The following ARFRP1 variants were observed in gnomAD, a reference collection of about 807,000 sequenced individuals.
ARFRP1 encodes the protein ADP-ribosylation factor-related protein 1.
In ARFRP1, 19 loss-of-function variants were observed where a neutral mutation model predicts 30.3. The observed-to-expected ratio is 0.63, with a 90% CI of 0.44 to 0.92. The LOEUF (loss-of-function observed/expected upper bound fraction) is 0.92, where lower values mean the gene tolerates loss of function less well. Among genes scored for constraint, ARFRP1 ranks in the 40% least tolerant of loss-of-function variants. ARFRP1 has a pLI of 0.00. For missense variants in ARFRP1, 245 were observed against 267.5 expected (o/e 0.92, Z 0.59); for synonymous variants, 133 against 114.2 (o/e 1.16, Z -1.05).
At chr20:63,707,294 C>T in intron 1 of ARFRP1, 197 bp from the exon 2 acceptor site, 1 of 581,918 alleles carries the variant, frequency 1.7e-6, no homozygotes, top group Non-Finnish European at 3.1e-6. Context: ...GTGTCCTGCT[C>T]ACAGCAATGA....
In ARFRP1 at chr20:63,699,874, C is replaced by A. The variant is rs1276626522; in HGVS notation, c.*569G>T. On this transcript the variant is annotated 3_prime_UTR_variant, in exon 8 of 8. Transcript: ENST00000622789. ...CCAGGCGTGGGGTATAGGTCTTCCC[C>A]CGCAGGCCTCAGCCCTGTCCCGAGG... 6.0e-6 allele frequency: 1 copy of A among 167,554 alleles called. No individual in the cohort carries two copies. The highest frequency in any genetic ancestry group is 2.4e-5 in the African/African-American group (1 of 41,690). The allele number at this position is 167,554 out of a possible 1,614,324, so 10.4% of individuals were successfully genotyped here.
intron 4 of ARFRP1, chr20:63,704,615 G>A (rs1310246524): frequency 1.3e-5 from 2 of 152,274 alleles, no homozygotes; most frequent in East Asian, 1.9e-4. Context: ...GGGCTACAGT[G>A]GCCCCCTTAA....
At chr20:63,705,554 T>C in intron 4 of ARFRP1, 1 of 467,372 alleles carries the variant, frequency 2.1e-6, no homozygotes, top group Non-Finnish European at 4.4e-6. Flanking sequence ...TGTGTCAAAA[T>C]AGGAGACTGC....
chr20:63,706,815 C>T (rs1426266107), intron 2 of ARFRP1, 77 bp from the exon 3 acceptor site: 29 of 1,356,930 alleles, frequency 2.1e-5, no homozygotes, highest in Non-Finnish European at 3.0e-5. Context: ...CAGGTCTGTT[C>T]TTTAAAAGAC....
chr20:63,699,177 G>C lies in ARFRP1; in HGVS notation c.*1266C>G, dbSNP rs1032564865. ...GCCTCCCCAGCACGGCCAGGTTCCC[G>C]GGGCTGGAGGTCCCCCCCAGGTCCT... is the stretch of plus-strand genomic sequence containing the variant. On this transcript the variant is annotated 3_prime_UTR_variant, in exon 8 of 8. Transcript: ENST00000622789. The C allele has an allele frequency of 6.6e-6, 1 of 152,238 alleles. No homozygotes were observed. The highest frequency in any genetic ancestry group is 1.5e-5 in the Non-Finnish European group (1 of 68,052). The allele number at this position is 152,238 out of a possible 1,614,324, so 9.4% of individuals were successfully genotyped here. A position where few individuals can be genotyped will look rare whatever the true frequency, so the allele number is the denominator to read the frequency against.
In ARFRP1 at chr20:63,705,586, C is replaced by T. The variant is rs2091413815; in HGVS notation, c.264+771G>A. The T allele has an allele frequency of 1.2e-5, 6 of 513,602 alleles. No homozygotes were observed. The Admixed American group carries it at 1.2e-4, about 10-fold the overall frequency. 31.8% of individuals were successfully genotyped at this position (513,602 alleles called of 1,614,324 possible). The stretch of plus-strand genomic sequence containing the variant: ...CTGCCGCTGTGAGACCCTGAGGAGT[C>T]TTCTGGTGATCATGGAAGAACAAAT... On this transcript the variant is annotated intron_variant, in intron 4 of 7. Transcript: ENST00000622789.
intron 4 of ARFRP1, chr20:63,705,503 G>GCCCA (rs2145582177): frequency 2.3e-6 from 1 of 435,230 alleles, no homozygotes; most frequent in East Asian, 5.7e-5. Context: ...GGGGGTGTGG[G>GCCCA]GAAGGGGCAC....
Position 63,701,885 on chromosome 20 carries a change from C to T in ARFRP1, c.362G>A (p.Ser121Asn). ...SKQAFEKVVT[S>N]EALCGVPVLV... Reference sequence around the variant, plus strand: ...GACGGGGACACCGCACAGCGCCTCGCTGGTCACCACCTTCTCTGGGGAGGG... The same window carrying T: ...GACGGGGACACCGCACAGCGCCTCGTTGGTCACCACCTTCTCTGGGGAGGG... The change falls in exon 6 of 8, where the codon AGC becomes AAC. Residue 121 changes from serine (S) to asparagine (N), a missense_variant. Transcript: ENST00000622789. 6.5e-7 allele frequency: 1 copy of T among 1,550,098 alleles called. No homozygotes were observed. The highest frequency in any genetic ancestry group is 1.2e-5 in the South Asian group (1 of 84,088).
At chr20:63,705,124 T>C (rs765061843) in intron 4 of ARFRP1, 3 of 152,674 alleles carry the variant, frequency 2.0e-5, no homozygotes, top group Non-Finnish European at 2.9e-5. Flanking sequence ...TCATCATCTG[T>C]GTCACTCCCC....
intron 4 of ARFRP1, chr20:63,705,853 CAAACCCAAGCCAGGGT>C: frequency 2.1e-6 from 1 of 466,582 alleles, no homozygotes; most frequent in Non-Finnish European, 4.4e-6. Flanking sequence ...CCCTTAGGCT[CAAACCCAAGCCAGGGT>C]TTGAACATTC....
At chr20:63,702,007 C>CCG (rs2091235180) in intron 5 of ARFRP1, 107 bp from the exon 6 acceptor site, 6 of 1,030,042 alleles carry the variant, frequency 5.8e-6, no homozygotes, top group Admixed American at 2.3e-5. Context: ...TGCCCCCCCC[C>CCG]CCCCCGTCAC....
Position 63,700,705 on chromosome 20 carries a change from G to A in ARFRP1, c.418-3C>T, listed in dbSNP as rs748523089. On this transcript the variant is annotated splice_polypyrimidine_tract_variant and splice_region_variant and intron_variant, in intron 6 of 7. Transcript: ENST00000622789. ...ATGTCAGGGATTGAGAGGCACGTCT[G>A]GGGGAGGTAAGGCCGTGAGGAGCAG... 3 of 1,610,378 alleles carry A rather than the reference G, an allele frequency of 1.9e-6. No homozygotes were observed. Among genetic ancestry groups the A allele is most frequent in the South Asian group, 1.1e-5 (1 of 90,928 alleles).
At chr20:63,706,907 G>A (rs917655082) in intron 2 of ARFRP1, 92 bp downstream of exon 2, 12 of 1,490,542 alleles carry the variant, frequency 8.1e-6, no homozygotes, top group African/African-American at 5.5e-5. Context: ...TTTGGCTTCC[G>A]TCTGGGTAGT....
chr20:63,703,677 A>G (rs940408798), intron 4 of ARFRP1: 2 of 152,292 alleles, frequency 1.3e-5, no homozygotes, highest in Admixed American at 1.3e-4. Flanking sequence ...CCAGTGAGAG[A>G]ATCTCCACGT....
At chr20:63,703,850 G>A (rs2091329017) in intron 4 of ARFRP1, 1 of 152,450 alleles carries the variant, frequency 6.6e-6, no homozygotes, top group African/African-American at 2.4e-5. Flanking sequence ...GCTGAGTGCG[G>A]GCAGGACCCA....
Position 63,700,361 on chromosome 20 carries a change from C to A in ARFRP1, c.*82G>T, listed in dbSNP as rs1488046329. 3 of 1,577,844 alleles carry A rather than the reference C, an allele frequency of 1.9e-6. No individual in the cohort carries two copies. The highest frequency in any genetic ancestry group is 1.1e-5 in the South Asian group (1 of 89,668). On this transcript the variant is annotated 3_prime_UTR_variant, in exon 8 of 8. Coordinates refer to ENST00000622789, the MANE Select transcript of ARFRP1 (RefSeq NM_001267547.3). ...CCCAAAGCAAAGCAAACCCACCCCC[C>A]AGATCAGCAGCATGGGAGCCAACAG...
rs1007953268 is a variant in ARFRP1, at chr20:63,702,001, C to A, written c.347-101G>T. ...CACTGTGACAGCCACTCCCTCTGCC[C>A]CCCCCCCCCCCGTCACCCACTAGGC... On this transcript the variant is annotated intron_variant, in intron 5 of 7. Transcript: ENST00000622789. The A allele has an allele frequency of 7.7e-5, 22 of 286,148 alleles. 1 individual carries two copies. Among genetic ancestry groups the A allele is most frequent in the Admixed American group, 1.2e-4 (2 of 16,478 alleles). 17.7% of individuals were successfully genotyped at this position (286,148 alleles called of 1,614,324 possible).
chr20:63,701,933 C>A (rs2091225335), intron 5 of ARFRP1, 33 bp from the exon 6 acceptor site: 2 of 1,545,850 alleles, frequency 1.3e-6, no homozygotes, highest in Non-Finnish European at 1.7e-6. Context: ...CGCCTCACAC[C>A]CAGCATCCTG....
rs1370526457 is a variant in ARFRP1, at chr20:63,701,874, A to C, written c.373T>G (p.Cys125Gly). The C allele has an allele frequency of 6.5e-7, 1 of 1,550,240 alleles. No homozygotes were observed. Among genetic ancestry groups the C allele is most frequent in the East Asian group, 2.4e-5 (1 of 41,006 alleles). The change falls in exon 6 of 8, where the codon TGC becomes GGC. Residue 125 changes from cysteine to glycine, a missense_variant. Physicochemically the swap from Cys to Gly is radical, Grantham distance 159. Coordinates refer to ENST00000622789, the MANE Select transcript of ARFRP1 (RefSeq NM_001267547.3). Reference protein sequence around the residue: ...FEKVVTSEALCGVPVLVLANK... With the variant: ...FEKVVTSEALGGVPVLVLANK... Reference sequence around the variant, plus strand: ...GCCAGCACCAAGACGGGGACACCGCACAGCGCCTCGCTGGTCACCACCTTC... The same window carrying C: ...GCCAGCACCAAGACGGGGACACCGCCCAGCGCCTCGCTGGTCACCACCTTC...
Sources: gnomAD v4.1 joint callset for allele counts on GRCh38, gnomAD v4.1.1 for gene constraint, MANE v1.5 for transcripts, NCBI Gene and HGNC (gene_info 2026-07-23, HGNC 2026-07-21) for gene names.